PTGER4: variants seen among roughly 807,000 people sequenced by gnomAD.
PTGER4 encodes the protein prostaglandin E2 receptor EP4 subtype.
A neutral mutation model predicts 33.2 loss-of-function variants in PTGER4; 11 were observed. The ratio of observed to expected loss-of-function variants is 0.33; its 90% CI spans 0.21 to 0.55. The LOEUF (loss-of-function observed/expected upper bound fraction) is 0.55. PTGER4 is among the 20% of genes least tolerant of loss of function. PTGER4 has a pLI of 0.92. For missense variants in PTGER4, 481 were observed against 650.2 expected (o/e 0.74, Z 2.83); for synonymous variants, 275 against 281.5 (o/e 0.98, Z 0.23).
At chr5:40,714,374 AG>A in the PTGER4 span, 1 of 152,186 alleles carries the variant, frequency 6.6e-6, no homozygotes. Flanking sequence ...GCACCATGCA[AG>A]GTACTTTAAA....
chr5:40,711,402 G>A, the PTGER4 span, among the ~76,000 whole-genome samples: 8 of 152,068 alleles, frequency 5.3e-5, no homozygotes, highest in African/African-American at 1.4e-4. Context: ...ACAAGGATAT[G>A]GAGAAACTGA....
the PTGER4 span, among the ~76,000 whole-genome samples, chr5:40,719,814 C>T: frequency 6.6e-6 from 1 of 152,178 alleles, no homozygotes; most frequent in Non-Finnish European, 1.5e-5. Context: ...CTTTCATGTG[C>T]TCATTAGCTG....
chr5:40,712,833 C>T, the PTGER4 span, among the ~76,000 whole-genome samples: 6 of 152,174 alleles, frequency 3.9e-5, no homozygotes, highest in Non-Finnish European at 7.3e-5. Flanking sequence ...CCGCTGCCTT[C>T]TGACCAAAGT....
Position 40,681,664 on chromosome 5 carries a change from G to A in PTGER4, c.671G>A (p.Gly224Asp). The A allele has an allele frequency of 6.3e-7, 1 of 1,584,598 alleles. No individual in the cohort carries two copies. ...CAGTTCATGCGCCGCACCTCGCTGG[G>A]CACCGAGCAGCACCACGCGGCCGCG... is the stretch of plus-strand genomic sequence containing the variant. ...HRQFMRRTSL[G>D]TEQHHAAAAA... Residue 224 changes from glycine (G) to aspartate (D), a missense_variant, in exon 2 of 3, where the codon GGC becomes GAC. This residue lies in a region of PTGER4 where 174 missense variants were observed against 210.5 expected (regional missense o/e 0.83). Coordinates refer to ENST00000302472, the MANE Select transcript of PTGER4 (RefSeq NM_000958.3). The surrounding 1 kb of genome is among the most constrained non-coding windows in gnomAD (Gnocchi z 9.8).
chr5:40,707,083 T>C, the PTGER4 span, among the ~76,000 whole-genome samples: 1 of 152,056 alleles, frequency 6.6e-6, no homozygotes, highest in Non-Finnish European at 1.5e-5. Flanking sequence ...ACATGCCAAA[T>C]TGTAAAGACC....
downstream of PTGER4, chr5:40,693,824 T>A (rs569864799): frequency 1.1e-5 from 7 of 653,190 alleles, no homozygotes; most frequent in South Asian, 6.8e-5. Context: ...TATATTTTTT[T>A]AAAATTTATT....
chr5:40,694,676 C>A (rs192576801), downstream of PTGER4, among the ~76,000 whole-genome samples: 6 of 152,276 alleles, frequency 3.9e-5, no homozygotes, highest in African/African-American at 1.4e-4. Context: ...CTTATGACTT[C>A]ATTTAACCTT....
chr5:40,690,732 A>C (rs750914198), intron 2 of PTGER4, among the ~76,000 whole-genome samples: 6 of 152,210 alleles, frequency 3.9e-5, no homozygotes, highest in Non-Finnish European at 8.8e-5. Flanking sequence ...TTGACTTATA[A>C]AATGAGTTTC....
the PTGER4 span, chr5:40,730,339 G>A: frequency 9.6e-5 from 155 of 1,611,560 alleles, no homozygotes; most frequent in Non-Finnish European, 1.2e-4. Context: ...ATTGCCTCCC[G>A]ATATCTGTGG....
downstream of PTGER4, among the ~76,000 whole-genome samples, chr5:40,696,952 GAGAAAGAGAGAA>G (rs747629403): frequency 9.5e-6 from 1 of 105,270 alleles, no homozygotes; most frequent in Non-Finnish European, 2.0e-5. Context: ...GAAGGAAAGA[GAGAAAGAGAGAA>G]AGAAAGAGAG....
At chr5:40,743,594 G>A in the PTGER4 span, among the ~76,000 whole-genome samples, 2 of 151,860 alleles carry the variant, frequency 1.3e-5, no homozygotes, top group Admixed American at 6.6e-5. Flanking sequence ...CCAACATGGC[G>A]AAATCCCATC....
rs111976440 is a variant in PTGER4 at position 40,684,134 on chromosome 5, C to A, written c.867+2274C>A. ...TTATGCCACCCACCCACCCCCCCCC[C>A]CACAATTCAGCAATTACTGAAATAA... is the stretch of plus-strand genomic sequence containing the variant. On this transcript the variant is annotated intron_variant, in intron 2 of 2. Coordinates refer to ENST00000302472, the MANE Select transcript of PTGER4 (RefSeq NM_000958.3). Among the ~76,000 whole-genome samples the A allele has an allele frequency of 6.4e-3, 803 of 126,234 alleles. 22 individuals carry two copies. Among genetic ancestry groups the A allele is most frequent in the African/African-American group, 0.023 (772 of 32,856 alleles). 82.8% of individuals were successfully genotyped at this position (126,234 alleles called of 152,430 possible).
the PTGER4 span, among the ~76,000 whole-genome samples, chr5:40,746,124 T>TA: frequency 1.3e-5 from 2 of 152,130 alleles, no homozygotes; most frequent in African/African-American, 4.8e-5. Context: ...CAGAATCTAC[T>TA]AAAAAATTTG....
the PTGER4 span, among the ~76,000 whole-genome samples, chr5:40,713,085 T>C: frequency 3.3e-5 from 5 of 152,124 alleles, no homozygotes; most frequent in African/African-American, 1.2e-4. Flanking sequence ...ATCAGTTTAA[T>C]AATAATCTCT....
the PTGER4 span, among the ~76,000 whole-genome samples, chr5:40,741,523 G>A: frequency 6.6e-6 from 1 of 152,252 alleles, no homozygotes; most frequent in East Asian, 1.9e-4. Context: ...ATAGACTTCT[G>A]GAGCTTTTTC....
chr5:40,684,574 T>C (rs13354346), intron 2 of PTGER4, among the ~76,000 whole-genome samples: 100,489 of 152,014 alleles, frequency 0.66, 33,467 homozygotes, highest in East Asian at 0.77. Context: ...AAAATAAATT[T>C]TAATTTGCTA....
At position 40,692,538 on chromosome 5, in the gene PTGER4, G is replaced by T. The variant is rs1741500203; in HGVS notation, c.*160G>T. 1 of 1,427,592 alleles carries T rather than the reference G, an allele frequency of 7.0e-7. No homozygotes were observed. Among genetic ancestry groups the T allele is most frequent in the African/African-American group, 1.4e-5 (1 of 69,598 alleles). 88.4% of individuals were successfully genotyped at this position (1,427,592 alleles called of 1,614,324 possible). ...TTTTGAGCACTTTTCAAACAATCAAGTTGACTCACGTGGGTCCTGAGGCCT... is the reference window on the plus strand; with the variant it reads ...TTTTGAGCACTTTTCAAACAATCAATTTGACTCACGTGGGTCCTGAGGCCT... On this transcript the variant is annotated 3_prime_UTR_variant, in exon 3 of 3. Transcript: ENST00000302472.
rs1741514247 is a variant in PTGER4, at chr5:40,693,133, TAC to T, written c.*757_*758del. The stretch of plus-strand genomic sequence containing the variant: ...TGTTCTTTCCAGGCTATGTATAAAA[TAC>T]ATAGTGAAAATTGTTTAGTGATATT... On this transcript the variant is annotated 3_prime_UTR_variant, in exon 3 of 3. Transcript: ENST00000302472. The T allele has an allele frequency of 3.1e-6, 3 of 953,538 alleles. No homozygotes were observed. The highest frequency in any genetic ancestry group is 1.1e-4 in the East Asian group (1 of 8,708). The allele number at this position is 953,538 out of a possible 1,614,324, so 59.1% of individuals were successfully genotyped here. A position where few individuals can be genotyped will look rare whatever the true frequency, so the allele number is the denominator to read the frequency against.
the PTGER4 span, among the ~76,000 whole-genome samples, chr5:40,712,146 A>G: frequency 6.6e-6 from 1 of 152,118 alleles, no homozygotes. Context: ...CTTCCAATTC[A>G]ATCTAGAGTC....
Sources: gnomAD v4.1 joint callset for allele counts (sites outside exome capture counted in the v4.1 genomes callset) on GRCh38, gnomAD v4.1.1 for gene constraint, gnomAD v4.1.1 regional missense constraint, Gnocchi (gnomAD v3.1) non-coding constraint, MANE v1.5 for transcripts, NCBI Gene and HGNC (gene_info 2026-07-23, HGNC 2026-07-21) for gene names.